Variants in ELP4 observed in about 807,000 individuals in gnomAD.
The protein encoded by ELP4 is elongator acetyltransferase complex subunit 4.
Under a neutral mutation model 48.9 loss-of-function variants are expected in ELP4, and 51 were observed. The ratio of observed to expected loss-of-function variants is 1.04; its 90% confidence interval spans 0.83 to 1.32. The LOEUF (loss-of-function observed/expected upper bound fraction) is 1.32, where lower values mean the gene tolerates loss of function less well. ELP4 is among the 40% of genes most tolerant of loss of function. The pLI is 0.00. For synonymous variants in ELP4, 210 were observed against 189.2 expected (o/e 1.11, Z -0.90); for missense variants, 519 against 514.6 (o/e 1.01, Z -0.08).
At chr11:31,748,380 G>A (rs983976842) in intron 9 of ELP4, among the ~76,000 whole-genome samples, 2 of 151,992 alleles carry the variant, frequency 1.3e-5, no homozygotes, top group Non-Finnish European at 2.9e-5. Context: ...CAGTAGCTGG[G>A]ACTACAGGCG....
intron 9 of ELP4, among the ~76,000 whole-genome samples, chr11:31,672,141 C>G (rs1298246809): frequency 1.3e-5 from 2 of 152,052 alleles, no homozygotes; most frequent in African/African-American, 4.8e-5. Context: ...CTGGATACCC[C>G]CTGTAAAGAC....
At chr11:31,695,099 C>T (rs1374732760) in intron 9 of ELP4, among the ~76,000 whole-genome samples, 1 of 152,170 alleles carries the variant, frequency 6.6e-6, no homozygotes, top group Non-Finnish European at 1.5e-5. Flanking sequence ...ATGTCATCTG[C>T]AAACAGGGAC....
intron 7 of ELP4, among the ~76,000 whole-genome samples, chr11:31,638,453 T>C (rs544050743): frequency 6.6e-6 from 1 of 151,982 alleles, no homozygotes; most frequent in African/African-American, 2.4e-5. Flanking sequence ...TGTTTTATAA[T>C]AATTTGATCT....
chr11:31,593,227 C>T (rs914067763), intron 3 of ELP4, among the ~76,000 whole-genome samples: 3 of 149,910 alleles, frequency 2.0e-5, no homozygotes, highest in Non-Finnish European at 4.4e-5. Flanking sequence ...GTGAATAATA[C>T]TGTTGTTGTT....
chr11:31,576,631 A>G (rs1170072326), intron 3 of ELP4, among the ~76,000 whole-genome samples: 1 of 152,218 alleles, frequency 6.6e-6, no homozygotes, highest in East Asian at 1.9e-4. Context: ...TGCAGGATTA[A>G]GACACTCACT....
At chr11:31,592,649 G>C (rs930393105) in intron 3 of ELP4, among the ~76,000 whole-genome samples, 1 of 151,146 alleles carries the variant, frequency 6.6e-6, no homozygotes, top group African/African-American at 2.4e-5. Context: ...TGTATTTTCT[G>C]TACATCTTTT....
chr11:31,787,688 G>C lies in ELP4; in HGVS notation c.*4164G>C, dbSNP rs916019049. The C allele has an allele frequency of 3.0e-5, 7 of 230,710 alleles. No individual in the cohort carries two copies. Among genetic ancestry groups the C allele is most frequent in the African/African-American group, 1.5e-4 (7 of 45,226 alleles). 14.3% of individuals were successfully genotyped at this position (230,710 alleles called of 1,614,324 possible). ...AGGCTGACACTGAACAAAACTACAT[G>C]CACACATACAAAAACTGCAACTTAG... On this transcript the variant is annotated 3_prime_UTR_variant, in exon 10 of 10. Coordinates refer to ENST00000640961, the MANE Select transcript of ELP4 (RefSeq NM_019040.5).
At chr11:31,715,667 A>G (rs1227965843) in intron 9 of ELP4, among the ~76,000 whole-genome samples, 2 of 152,230 alleles carry the variant, frequency 1.3e-5, no homozygotes, top group South Asian at 2.1e-4. Context: ...AACACATAGC[A>G]TAAGTGTTTT....
At chr11:31,743,745 G>A (rs899482987) in intron 9 of ELP4, among the ~76,000 whole-genome samples, 1 of 151,416 alleles carries the variant, frequency 6.6e-6, no homozygotes, top group Non-Finnish European at 1.5e-5. Context: ...CACATTCAAA[G>A]CAGTGTGTAG....
chr11:31,681,974 C>T (rs1404700125), intron 9 of ELP4: 1 of 879,608 alleles, frequency 1.1e-6, no homozygotes, highest in Non-Finnish European at 1.6e-6. Context: ...CTCCTGACCT[C>T]AGGTGATTCA....
intron 9 of ELP4, among the ~76,000 whole-genome samples, chr11:31,739,569 T>C (rs1196157299): frequency 6.6e-6 from 1 of 152,192 alleles, no homozygotes; most frequent in Non-Finnish European, 1.5e-5. Context: ...GTACTCTTTA[T>C]AGTTAGGATT....
At position 31,790,095 on chromosome 11, in the gene ELP4, TAC is replaced by T. The variant is rs1565183214; in HGVS notation, c.*6573_*6574del. The T allele has an allele frequency of 1.6e-4, 10 of 61,308 alleles. No homozygotes were observed. Among genetic ancestry groups the T allele is most frequent in the East Asian group, 2.0e-4 (1 of 4,948 alleles). The allele number at this position is 61,308 out of a possible 1,614,324, so 3.8% of individuals were successfully genotyped here. A position where few individuals can be genotyped will look rare whatever the true frequency, so the allele number is the denominator to read the frequency against. On this transcript the variant is annotated 3_prime_UTR_variant, in exon 10 of 10. Coordinates refer to ENST00000640961, the MANE Select transcript of ELP4 (RefSeq NM_019040.5). Reference sequence around the variant, plus strand: ...GACATGGAATACAAATTTATAGGTTTACAAAAAAAAAAAAAAAAAAAAAAACT... The same window carrying T: ...GACATGGAATACAAATTTATAGGTTTAAAAAAAAAAAAAAAAAAAAAAACT...
intron 5 of ELP4, among the ~76,000 whole-genome samples, chr11:31,611,069 G>A (rs768372996): frequency 4.6e-5 from 7 of 152,186 alleles, no homozygotes; most frequent in South Asian, 2.1e-4. Flanking sequence ...ACAGCTGTTG[G>A]GATAGCCTCG....
At chr11:31,606,407 C>A (rs1312428717) in intron 5 of ELP4, among the ~76,000 whole-genome samples, 1 of 151,940 alleles carries the variant, frequency 6.6e-6, no homozygotes, top group Non-Finnish European at 1.5e-5. Context: ...CTGTGTCCTA[C>A]TATCATATGT....
chr11:31,748,942 G>T (rs1181048010), intron 9 of ELP4, among the ~76,000 whole-genome samples: 2 of 152,154 alleles, frequency 1.3e-5, no homozygotes, highest in Non-Finnish European at 2.9e-5. Context: ...GCCAAACTTT[G>T]AAGTATGATA....
intron 9 of ELP4, among the ~76,000 whole-genome samples, chr11:31,661,142 A>T (rs569868465): frequency 2.0e-4 from 30 of 151,880 alleles, no homozygotes; most frequent in Non-Finnish European, 4.1e-4. Flanking sequence ...CCATACACAC[A>T]CCCCCTTAAT....
chr11:31,546,717 T>G (rs1485193708), intron 3 of ELP4, among the ~76,000 whole-genome samples: 1 of 151,748 alleles, frequency 6.6e-6, no homozygotes, highest in Non-Finnish European at 1.5e-5. Context: ...TATTCCAAAA[T>G]TGACCACATA....
intron 9 of ELP4, among the ~76,000 whole-genome samples, chr11:31,696,812 A>C (rs4922573): frequency 0.24 from 36,023 of 152,026 alleles, 4,810 homozygotes; most frequent in Non-Finnish European, 0.3. Context: ...ACCTAACAAT[A>C]TTAACCTTAA....
intron 7 of ELP4, among the ~76,000 whole-genome samples, chr11:31,638,171 T>C (rs1160857914): frequency 1.3e-5 from 2 of 151,886 alleles, no homozygotes; most frequent in Non-Finnish European, 2.9e-5. Flanking sequence ...TTTTAAGGAA[T>C]TTTAAAATAT....
Sources: gnomAD v4.1 joint callset for allele counts (sites outside exome capture counted in the v4.1 genomes callset) on GRCh38, gnomAD v4.1.1 for gene constraint, MANE v1.5 for transcripts, NCBI Gene and HGNC (gene_info 2026-07-23, HGNC 2026-07-21) for gene names.